The following ABCA10 variants were observed in gnomAD, a reference collection of about 807,000 sequenced individuals.
ABCA10 encodes the protein ATP binding cassette subfamily A member 10.
A neutral mutation model predicts 187.5 loss-of-function variants in ABCA10; 169 were observed. The ratio of observed to expected loss-of-function variants is 0.90; its 90% CI spans 0.80 to 1.02. The LOEUF is 1.02. ABCA10 is among the 50% of genes least tolerant of loss of function. The pLI, the probability that ABCA10 is intolerant of heterozygous loss-of-function variation, is 0.00. For missense variants in ABCA10, 1,727 were observed against 1,812.4 expected, an observed-to-expected ratio of 0.95 and a Z score of 0.86; for synonymous variants, 574 against 601.8, an observed-to-expected ratio of 0.95 and a Z score of 0.68.
At chr17:69,165,532 G>T (rs1337838763) in intron 25 of ABCA10, among the ~76,000 whole-genome samples, 2 of 152,080 alleles carry the variant, frequency 1.3e-5, no homozygotes, top group Non-Finnish European at 2.9e-5. Context: ...TGATATCCAA[G>T]GTAGGAATAT....
chr17:69,192,737 G>A, intron 15 of ABCA10, 84 bp from the exon 16 acceptor site: 3 of 1,182,724 alleles, frequency 2.5e-6, no homozygotes, highest in Non-Finnish European at 3.7e-6. Context: ...CTAAAACACT[G>A]AATGAAATTT....
In ABCA10 at chr17:69,155,011, GT is replaced by G. The variant is rs2074162859; in HGVS notation, c.3694+7del. On this transcript the variant is annotated splice_region_variant and intron_variant, in intron 30 of 38. Transcript: ENST00000690296. ...TATAATAATAATAAAAGGAACAATT[GT>G]TCAAACCTTTTTTAACACAAAAGGA... is the stretch of plus-strand genomic sequence containing the variant. 1.3e-6 allele frequency: 2 copies of G among 1,553,592 alleles called. No homozygotes were observed. The highest frequency in any genetic ancestry group is 1.7e-5 in the Admixed American group (1 of 58,278).
At chr17:69,174,573 T>C (rs1311656079) in intron 24 of ABCA10, 34 bp downstream of exon 24, 2 of 1,541,498 alleles carry the variant, frequency 1.3e-6, no homozygotes, top group South Asian at 2.5e-5. Context: ...GATTCTACTA[T>C]TATAATTGGC....
intron 1 of ABCA10, among the ~76,000 whole-genome samples, chr17:69,237,496 C>T (rs576503058): frequency 6.6e-4 from 100 of 152,242 alleles, no homozygotes; most frequent in African/African-American, 2.3e-3. Flanking sequence ...ATATTTAACA[C>T]GGAAATATTA....
At chr17:69,166,796 T>C (rs2074257622) in intron 25 of ABCA10, among the ~76,000 whole-genome samples, 1 of 152,206 alleles carries the variant, frequency 6.6e-6, no homozygotes, top group Non-Finnish European at 1.5e-5. Flanking sequence ...TAAGTGTATC[T>C]GCCTGAACGC....
chr17:69,193,046 A>G, intron 15 of ABCA10, 64 bp downstream of exon 15: 1 of 1,522,710 alleles, frequency 6.6e-7, no homozygotes, highest in Non-Finnish European at 8.8e-7. Flanking sequence ...AAAACAGGCT[A>G]TGAAAAATAA....
intron 7 of ABCA10, 91 bp downstream of exon 7, chr17:69,216,126 G>A (rs2074701904): frequency 6.5e-7 from 1 of 1,541,958 alleles, no homozygotes; most frequent in African/African-American, 1.4e-5. Context: ...AGAAAATATA[G>A]TGATTACACT....
chr17:69,208,074 TG>T (rs1253493370), intron 9 of ABCA10, among the ~76,000 whole-genome samples: 2 of 152,172 alleles, frequency 1.3e-5, no homozygotes, highest in Admixed American at 6.5e-5. Flanking sequence ...AAAAAGGTTT[TG>T]TGGTCAATAA....
At chr17:69,233,339 G>A (rs2074843866), upstream of ABCA10, 1 of 151,404 alleles carries the variant, frequency 6.6e-6, no homozygotes, top group African/African-American at 2.4e-5. Flanking sequence ...GATCAGTTCT[G>A]CTCTTGATGG....
rs1317518386 is a variant in ABCA10, at chr17:69,175,414, C to T, written c.2869G>A (p.Asp957Asn). 2 of 1,608,420 alleles carry T rather than the reference C, an allele frequency of 1.2e-6. No individual in the cohort carries two copies. Among genetic ancestry groups the T allele is most frequent in the East Asian group, 2.2e-5 (1 of 44,756 alleles). The change falls in exon 23 of 39, where the codon GAT becomes AAT. Residue 957 changes from aspartate (D) to asparagine (N), a missense_variant. Coordinates refer to ENST00000690296, the MANE Select transcript of ABCA10 (RefSeq NM_001377321.1). ...CTCTCTCTCCCTCTTACTTTATAAT[C>T]GCTGATGCTGCTCATGCCGATAAAA... The part of the protein sequence containing the change: ...SPFIGMSSIS[D>N]YKKNVQSQLW...
Position 69,155,880 on chromosome 17 carries a change from G to A in ABCA10, c.3501C>T (p.Pro1167=), listed in dbSNP as rs767202735. Residue 1167 remains proline (P), a synonymous_variant, in exon 29 of 39, where the codon CCC becomes CCT. Transcript: ENST00000690296. ...CTTGAACATCTTCATCTTCTTCTTC[G>A]GGCTCTTCCGGATTGGGATGAGTTT... ...SRETHPNPEE[P]EEEDEDVQAE... The A allele has an allele frequency of 2.4e-5, 39 of 1,613,318 alleles. No individual in the cohort carries two copies. Among genetic ancestry groups the A allele is most frequent in the East Asian group, 8.9e-5 (4 of 44,834 alleles).
intron 27 of ABCA10, among the ~76,000 whole-genome samples, chr17:69,159,807 A>G (rs988397338): frequency 2.0e-5 from 3 of 152,192 alleles, no homozygotes; most frequent in Non-Finnish European, 4.4e-5. Flanking sequence ...TTTAAAATAG[A>G]CCAATGGAAT....
chr17:69,217,335 T>G (rs2074714069), intron 6 of ABCA10, among the ~76,000 whole-genome samples: 1 of 152,154 alleles, frequency 6.6e-6, no homozygotes, highest in Admixed American at 6.6e-5. Context: ...TTGTTGCTTT[T>G]GAAAATCTCT....
rs368716488 is a variant in ABCA10, at chr17:69,174,756, A to G, written c.2899T>C (p.Trp967Arg). The G allele has an allele frequency of 1.3e-5, 21 of 1,586,730 alleles. No individual in the cohort carries two copies. Among genetic ancestry groups the G allele is most frequent in the Non-Finnish European group, 1.7e-5 (20 of 1,170,898 alleles). The change falls in exon 24 of 39, where the codon TGG becomes CGG. Residue 967 changes from tryptophan to arginine, a missense_variant. Trp to Arg is a moderately radical substitution (Grantham distance 101). Transcript: ENST00000690296. ...DYKKNVQSQLWISGLWPSAYW... is the reference protein window; with the variant it reads ...DYKKNVQSQLRISGLWPSAYW... ...GCTGAAGGCCAGAGGCCTGAAATCC[A>G]TAACTGGGATTGAACATTTTTCTGA...
chr17:69,195,554 C>CT (rs59069489), intron 11 of ABCA10, among the ~76,000 whole-genome samples: 27,968 of 102,838 alleles, frequency 0.27, 4,038 homozygotes, highest in East Asian at 0.51. Flanking sequence ...TGAAGTTTTT[C>CT]TTTTTTTTTT....
chr17:69,183,498 G>A (rs79466258), intron 20 of ABCA10, among the ~76,000 whole-genome samples: 10,704 of 152,116 alleles, frequency 0.07, 506 homozygotes, highest in Admixed American at 0.15. Flanking sequence ...TGAAAGAGGC[G>A]GCTTGCAGCT....
Position 69,214,244 on chromosome 17 carries a change from G to A in ABCA10, c.1006+460C>T, listed in dbSNP as rs1212713520. On this transcript the variant is annotated intron_variant, in intron 9 of 38. Transcript: ENST00000690296. ...AAAATGATTCAGTTCGGCCGGGCGC[G>A]GTGGCTCACGCCTGTAATCCCAGCA... Among the ~76,000 whole-genome samples the A allele has an allele frequency of 6.6e-5, 10 of 152,218 alleles. No individual in the cohort carries two copies. The South Asian group carries it at 1.0e-3, about 16-fold the overall frequency.
intron 1 of ABCA10, among the ~76,000 whole-genome samples, chr17:69,238,487 A>C (rs1196772219): frequency 6.6e-6 from 1 of 152,194 alleles, no homozygotes; most frequent in Admixed American, 6.5e-5. Context: ...ATAGGTCTAC[A>C]GACTAGTGGA....
At chr17:69,196,962 C>G (rs2074509316) in intron 11 of ABCA10, 102 bp downstream of exon 11, 1 of 824,992 alleles carries the variant, frequency 1.2e-6, no homozygotes, top group Non-Finnish European at 1.8e-6. Flanking sequence ...GAGATGGCGG[C>G]ACTACAGTCC....
Sources: gnomAD v4.1 joint callset for allele counts (sites outside exome capture counted in the v4.1 genomes callset) on GRCh38, gnomAD v4.1.1 for gene constraint, MANE v1.5 for transcripts, NCBI Gene and HGNC (gene_info 2026-07-23, HGNC 2026-07-21) for gene names.